The following DYNC2H1 variants were observed in gnomAD, a reference collection of about 807,000 sequenced individuals.
The protein encoded by DYNC2H1 is cytoplasmic dynein 2 heavy chain 1.
A neutral mutation model predicts 570.0 loss-of-function variants in DYNC2H1; 410 were observed. That is an observed-to-expected ratio of 0.72 (90% CI 0.66 to 0.78). The LOEUF (loss-of-function observed/expected upper bound fraction) is 0.78. Ranked by LOEUF, DYNC2H1 falls within the 30% of genes least tolerant of loss-of-function variation. The pLI, the probability that DYNC2H1 is intolerant of heterozygous loss-of-function variation, is 0.00. For missense variants in DYNC2H1, 4,865 were observed against 5,046.4 expected, an observed-to-expected ratio of 0.96 and a Z score of 1.09; for synonymous variants, 1,688 against 1,677.6, an observed-to-expected ratio of 1.01 and a Z score of -0.15.
chr11:103,464,413 G>A (rs554141427), intron 87 of DYNC2H1, among the ~76,000 whole-genome samples: 4 of 152,250 alleles, frequency 2.6e-5, no homozygotes, highest in Admixed American at 1.3e-4. Context: ...ATTTCTAGAA[G>A]TATAAAACAG....
At chr11:103,471,413 G>A (rs1206358727) in intron 88 of DYNC2H1, among the ~76,000 whole-genome samples, 1 of 152,128 alleles carries the variant, frequency 6.6e-6, no homozygotes, top group Non-Finnish European at 1.5e-5. Context: ...GACCTAAATT[G>A]TAATCCAAGT....
intron 6 of DYNC2H1, among the ~76,000 whole-genome samples, chr11:103,120,201 CTT>C (rs1858629526): frequency 6.6e-6 from 1 of 151,930 alleles, no homozygotes; most frequent in African/African-American, 2.4e-5. Flanking sequence ...ATGTTTAGGT[CTT>C]ATATATTCAC....
intron 87 of DYNC2H1, among the ~76,000 whole-genome samples, chr11:103,467,509 C>CTGTTTTGTTTTGTTT (rs6144488): frequency 2.0e-5 from 3 of 149,176 alleles, no homozygotes; most frequent in African/African-American, 5.0e-5. Flanking sequence ...TTTGAAGGCA[C>CTGTTTTGTTTTGTTT]TGTTTTGTTT....
chr11:103,130,659 C>T (rs1485360620), intron 13 of DYNC2H1, among the ~76,000 whole-genome samples: 1 of 151,922 alleles, frequency 6.6e-6, no homozygotes, highest in Non-Finnish European at 1.5e-5. Context: ...AAAATGTATG[C>T]ATAGTTTTGG....
chr11:103,122,428 C>T (rs889749030), intron 10 of DYNC2H1, among the ~76,000 whole-genome samples: 6 of 152,152 alleles, frequency 3.9e-5, no homozygotes, highest in African/African-American at 1.4e-4. Context: ...TCCCTTTGGC[C>T]TAATTACTAT....
chr11:103,247,027 G>A (rs1486991361), intron 65 of DYNC2H1, among the ~76,000 whole-genome samples: 1 of 135,182 alleles, frequency 7.4e-6, no homozygotes, highest in East Asian at 2.1e-4. Flanking sequence ...TGTTTCCTAT[G>A]TGCTTAGGAG....
At chr11:103,318,551 G>A (rs1235753537) in intron 80 of DYNC2H1, among the ~76,000 whole-genome samples, 1 of 152,064 alleles carries the variant, frequency 6.6e-6, no homozygotes, top group Non-Finnish European at 1.5e-5. Flanking sequence ...GGACATGCTG[G>A]TAGTTTTGAG....
chr11:103,153,553 A>C (rs1860672232), intron 22 of DYNC2H1, 45 bp downstream of exon 22: 1 of 1,443,886 alleles, frequency 6.9e-7, no homozygotes, highest in Non-Finnish European at 9.3e-7. Flanking sequence ...TTGAAAAAAC[A>C]ATTTATATAT....
At chr11:103,448,708 G>A (rs917085053) in intron 85 of DYNC2H1, among the ~76,000 whole-genome samples, 1 of 152,086 alleles carries the variant, frequency 6.6e-6, no homozygotes, top group African/African-American at 2.4e-5. Context: ...AGTTTATCAT[G>A]TTAAAGCCCT....
At chr11:103,169,003 T>G in intron 32 of DYNC2H1, 43 bp downstream of exon 32, 5 of 1,491,230 alleles carry the variant, frequency 3.4e-6, no homozygotes, top group Non-Finnish European at 4.5e-6. Context: ...TTAGAAATTA[T>G]TTACTGTAAA....
intron 82 of DYNC2H1, among the ~76,000 whole-genome samples, chr11:103,332,112 T>G (rs1240524661): frequency 6.6e-6 from 1 of 151,414 alleles, no homozygotes; most frequent in Non-Finnish European, 1.5e-5. Flanking sequence ...TATGCAAGAT[T>G]AGATGTTTAA....
At chr11:103,402,578 G>C (rs2135657180) in intron 84 of DYNC2H1, 1 of 152,202 alleles carries the variant, frequency 6.6e-6, no homozygotes, top group African/African-American at 2.4e-5. Flanking sequence ...GCATGTGTTT[G>C]GTGGGTCGTG....
At chr11:103,309,507 T>G (rs2135410727) in intron 78 of DYNC2H1, among the ~76,000 whole-genome samples, 1 of 151,884 alleles carries the variant, frequency 6.6e-6, no homozygotes, top group South Asian at 2.1e-4. Flanking sequence ...TACCTGTTAT[T>G]TTAGATCAGT....
At position 103,133,881 on chromosome 11, in the gene DYNC2H1, A is replaced by G. The variant is rs947350084; in HGVS notation, c.2106+174A>G. The stretch of plus-strand genomic sequence containing the variant: ...ATTCCCTGTTGTTAACAACTTATAT[A>G]ACCGGAGTAGTTATCAAAACCAGGA... On this transcript the variant is annotated intron_variant, in intron 14 of 88. Coordinates refer to ENST00000375735, the MANE Select transcript of DYNC2H1 (RefSeq NM_001377.3). The surrounding 1 kb of genome is among the most constrained non-coding windows in gnomAD (Gnocchi z 4.8). Among the ~76,000 whole-genome samples, 2 of 152,198 alleles carry G rather than the reference A, an allele frequency of 1.3e-5. No homozygotes were observed. Among genetic ancestry groups the G allele is most frequent in the African/African-American group, 4.8e-5 (2 of 41,448 alleles).
At chr11:103,353,599 T>C (rs1417729179) in intron 82 of DYNC2H1, among the ~76,000 whole-genome samples, 2 of 152,164 alleles carry the variant, frequency 1.3e-5, no homozygotes, top group African/African-American at 4.8e-5. Context: ...TAAAGATACT[T>C]AGAATTATGT....
rs1862612597 is a variant in DYNC2H1, at chr11:103,199,027, A to T, written c.7840-201A>T. 2.0e-5 allele frequency among the ~76,000 whole-genome samples: 3 copies of T among 152,178 alleles called. No homozygotes were observed. In the South Asian group the frequency reaches 6.2e-4, roughly 31 times the overall value. On this transcript the variant is annotated intron_variant, in intron 48 of 88. Coordinates refer to ENST00000375735, the MANE Select transcript of DYNC2H1 (RefSeq NM_001377.3). The surrounding 1 kb of genome is among the most constrained non-coding windows in gnomAD (Gnocchi z 4.6). ...TCACGGACCCTTGAACTTGTTTGAC[A>T]TGAGTTTTTCCTTAGAGAATGCCAA...
chr11:103,271,016 G>T (rs560054629), intron 70 of DYNC2H1, among the ~76,000 whole-genome samples: 1 of 152,094 alleles, frequency 6.6e-6, no homozygotes, highest in South Asian at 2.1e-4. Context: ...TGTCTGTGCC[G>T]CTCACCTTGC....
chr11:103,413,696 G>A (rs535338570), intron 84 of DYNC2H1, among the ~76,000 whole-genome samples: 72 of 152,206 alleles, frequency 4.7e-4, no homozygotes, highest in African/African-American at 1.7e-3. Context: ...TACTGGGATG[G>A]AACTCTGCCT....
chr11:103,434,726 T>G (rs547946996), intron 84 of DYNC2H1, among the ~76,000 whole-genome samples: 4 of 152,230 alleles, frequency 2.6e-5, no homozygotes, highest in African/African-American at 9.6e-5. Context: ...TACTAGGGCT[T>G]GGTAGAGAAA....
Sources: gnomAD v4.1 joint callset for allele counts (sites outside exome capture counted in the v4.1 genomes callset) on GRCh38, gnomAD v4.1.1 for gene constraint, Gnocchi (gnomAD v3.1) non-coding constraint, MANE v1.5 for transcripts, NCBI Gene and HGNC (gene_info 2026-07-23, HGNC 2026-07-21) for gene names.